The following ARB2A variants were observed in gnomAD, a reference collection of about 807,000 sequenced individuals.
ARB2A encodes ARB2 cotranscriptional regulator A, also known as cotranscriptional regulator ARB2A.
the ARB2A span, among the ~76,000 whole-genome samples, chr5:93,657,051 G>C: frequency 2.0e-5 from 3 of 152,246 alleles, no homozygotes; most frequent in African/African-American, 7.2e-5. Context: ...ATATGTCAGA[G>C]AGAAGACTGA....
At chr5:94,081,029 T>C in the ARB2A span, among the ~76,000 whole-genome samples, 1 of 152,160 alleles carries the variant, frequency 6.6e-6, no homozygotes, top group East Asian at 1.9e-4. Flanking sequence ...AGTGGGCAGA[T>C]TATATAAGTA....
chr5:93,813,178 C>T, the ARB2A span, among the ~76,000 whole-genome samples: 28 of 152,094 alleles, frequency 1.8e-4, no homozygotes, highest in Admixed American at 6.6e-5. Context: ...ACATATGTAC[C>T]TTAAAGTCAA....
At chr5:93,778,363 C>T in the ARB2A span, among the ~76,000 whole-genome samples, 1 of 152,108 alleles carries the variant, frequency 6.6e-6, no homozygotes. Context: ...CTTTTATATA[C>T]AATGTGACAC....
the ARB2A span, among the ~76,000 whole-genome samples, chr5:93,790,861 G>T: frequency 1.3e-5 from 2 of 152,224 alleles, no homozygotes; most frequent in South Asian, 4.1e-4. Context: ...GACGTGCTTA[G>T]ATTTTTATTT....
chr5:93,914,324 T>C, the ARB2A span, among the ~76,000 whole-genome samples: 17 of 151,986 alleles, frequency 1.1e-4, no homozygotes, highest in Non-Finnish European at 1.8e-4. Context: ...CCTTAAGTTA[T>C]AGTAATCTAT....
At chr5:93,906,126 T>G in the ARB2A span, among the ~76,000 whole-genome samples, 5 of 151,552 alleles carry the variant, frequency 3.3e-5, no homozygotes, top group Non-Finnish European at 7.4e-5. Flanking sequence ...GTTTTACATT[T>G]CATATTTGCT....
chr5:94,006,884 A>G, the ARB2A span, among the ~76,000 whole-genome samples: 1 of 152,324 alleles, frequency 6.6e-6, no homozygotes, highest in African/African-American at 2.4e-5. Flanking sequence ...TCAACAGAAA[A>G]TGAAAGTGTT....
the ARB2A span, among the ~76,000 whole-genome samples, chr5:93,630,603 G>A: frequency 6.6e-6 from 1 of 152,120 alleles, no homozygotes; most frequent in Non-Finnish European, 1.5e-5. Context: ...GCGTGGGGGT[G>A]GTACAAGAGG....
At chr5:93,831,320 A>T in the ARB2A span, among the ~76,000 whole-genome samples, 2 of 140,914 alleles carry the variant, frequency 1.4e-5, no homozygotes, top group Non-Finnish European at 3.1e-5. Context: ...AAAAAAAGTC[A>T]TTTACTGAAA....
At chr5:93,922,993 G>A in the ARB2A span, among the ~76,000 whole-genome samples, 1 of 151,816 alleles carries the variant, frequency 6.6e-6, no homozygotes, top group South Asian at 2.1e-4. Flanking sequence ...AAAGTTACAA[G>A]AAATATACTG....
chr5:93,703,123 T>G, the ARB2A span, among the ~76,000 whole-genome samples: 1 of 152,200 alleles, frequency 6.6e-6, no homozygotes. Flanking sequence ...CTCATGAATT[T>G]TATTAGTTTT....
At chr5:93,944,900 A>C in the ARB2A span, among the ~76,000 whole-genome samples, 1 of 152,130 alleles carries the variant, frequency 6.6e-6, no homozygotes, top group African/African-American at 2.4e-5. Flanking sequence ...GGATAAAATG[A>C]CTTAAAAGTA....
At chr5:93,738,029 G>A in the ARB2A span, 2 of 380,512 alleles carry the variant, frequency 5.3e-6, no homozygotes, top group Admixed American at 3.7e-5. Context: ...AGAGTAAAAG[G>A]ACAACCCACA....
At chr5:93,682,423 A>G in the ARB2A span, among the ~76,000 whole-genome samples, 11 of 152,102 alleles carry the variant, frequency 7.2e-5, no homozygotes, top group Admixed American at 1.3e-4. Flanking sequence ...GTTTTTAGAT[A>G]TAAAATTTCC....
chr5:93,858,004 T>A, the ARB2A span, among the ~76,000 whole-genome samples: 702 of 152,304 alleles, frequency 4.6e-3, 3 homozygotes, highest in African/African-American at 0.016. Flanking sequence ...TCTTTAGTCA[T>A]ACTAATGGCT....
At chr5:94,070,297 G>T in the ARB2A span, among the ~76,000 whole-genome samples, 1 of 152,038 alleles carries the variant, frequency 6.6e-6, no homozygotes, top group Non-Finnish European at 1.5e-5. Flanking sequence ...ATGGAAGTAG[G>T]GAGTAGAATG....
At chr5:94,043,479 G>C in the ARB2A span, among the ~76,000 whole-genome samples, 1 of 152,168 alleles carries the variant, frequency 6.6e-6, no homozygotes, top group South Asian at 2.1e-4. Flanking sequence ...AGTGCAGTAA[G>C]AATCTGTTTT....
chr5:93,976,792 A>C, the ARB2A span, among the ~76,000 whole-genome samples: 4 of 152,312 alleles, frequency 2.6e-5, no homozygotes, highest in African/African-American at 7.2e-5. Flanking sequence ...ACAGCATCTA[A>C]ATAGGAAAAG....
chr5:93,921,979 A>G, the ARB2A span, among the ~76,000 whole-genome samples: 1 of 152,148 alleles, frequency 6.6e-6, no homozygotes, highest in Non-Finnish European at 1.5e-5. Flanking sequence ...CTTGCCCCCA[A>G]ATAAAACATC....
Sources: gnomAD v4.1 joint callset for allele counts (sites outside exome capture counted in the v4.1 genomes callset) on GRCh38, gnomAD v4.1.1 for gene constraint, MANE v1.5 for transcripts, NCBI Gene and HGNC (gene_info 2026-07-23, HGNC 2026-07-21) for gene names.